The following HSD17B6 variants were observed in gnomAD, a reference collection of about 807,000 sequenced individuals.
The protein encoded by HSD17B6 is 17-beta-hydroxysteroid dehydrogenase type 6.
HSD17B6 carries 16 observed loss-of-function variants against 26.4 expected under a neutral mutation model. The ratio of observed to expected loss-of-function variants is 0.61; its 90% CI spans 0.41 to 0.92. HSD17B6 has a LOEUF of 0.92. Ranked by LOEUF, HSD17B6 falls within the 40% of genes least tolerant of loss-of-function variation. The pLI is 0.00. For missense variants in HSD17B6, 357 were observed against 386.1 expected (o/e 0.92, Z 0.63); for synonymous variants, 139 against 153.0 (o/e 0.91, Z 0.68).
chr12:56,767,335 ACT>A (rs927505558), intron 1 of HSD17B6, among the ~76,000 whole-genome samples: 1 of 151,142 alleles, frequency 6.6e-6, no homozygotes, highest in Non-Finnish European at 1.5e-5. Context: ...ACACGGTGAA[ACT>A]CTGTCTCCAC....
chr12:56,779,685 G>C (rs564215604), intron 2 of HSD17B6, among the ~76,000 whole-genome samples: 3 of 152,076 alleles, frequency 2.0e-5, no homozygotes, highest in Admixed American at 2.0e-4. Context: ...AAGGCCCTCA[G>C]AACACTCACA....
At chr12:56,783,616 C>T (rs1325865824) in intron 3 of HSD17B6, among the ~76,000 whole-genome samples, 10 of 118,758 alleles carry the variant, frequency 8.4e-5, no homozygotes, top group Admixed American at 3.2e-4. Flanking sequence ...CCCTCCCGGA[C>T]GGAGCGGCTG....
chr12:56,783,643 ACCCCCCCCACCTCCCTCTCGGACGGGACG>A (rs1162717170), intron 3 of HSD17B6, among the ~76,000 whole-genome samples: 10,853 of 115,360 alleles, frequency 0.094, 725 homozygotes, highest in African/African-American at 0.16. Context: ...TGGGGGGCTG[ACCCCCCCCACCTCCCTCTCGGACGGGACG>A]GCTGGCCGGG....
At chr12:56,778,885 C>T (rs1251041575) in intron 2 of HSD17B6, among the ~76,000 whole-genome samples, 5 of 151,848 alleles carry the variant, frequency 3.3e-5, no homozygotes, top group African/African-American at 1.2e-4. Flanking sequence ...CCGTGTTTGC[C>T]AGGATGCTCT....
intron 1 of HSD17B6, among the ~76,000 whole-genome samples, chr12:56,767,637 TTAA>T (rs1233146426): frequency 5.6e-5 from 8 of 143,308 alleles, no homozygotes; most frequent in South Asian, 2.1e-4. Flanking sequence ...ATATATTATA[TTAA>T]TATATTATAT....
At chr12:56,765,552 C>T (rs1019736680) in intron 1 of HSD17B6, among the ~76,000 whole-genome samples, 2 of 151,780 alleles carry the variant, frequency 1.3e-5, no homozygotes, top group African/African-American at 4.8e-5. Flanking sequence ...GGATAGAGTG[C>T]GGTAGTGCAA....
chr12:56,779,592 C>G lies in HSD17B6; in HGVS notation c.314-2382C>G, dbSNP rs530546822. Among the ~76,000 whole-genome samples, 5 of 152,042 alleles carry G rather than the reference C, an allele frequency of 3.3e-5. No individual in the cohort carries two copies. The South Asian group carries it at 1.0e-3, about 32-fold the overall frequency. On this transcript the variant is annotated intron_variant, in intron 2 of 4. Transcript: ENST00000322165. The stretch of plus-strand genomic sequence containing the variant: ...GAAAGTACTATAATATTCTCTATTT[C>G]TGTTTCCCTAGTAGAAATTTTAAGT...
At chr12:56,775,367 G>C (rs908448801) in intron 2 of HSD17B6, among the ~76,000 whole-genome samples, 1 of 152,114 alleles carries the variant, frequency 6.6e-6, no homozygotes, top group African/African-American at 2.4e-5. Context: ...AGAAGCGGTT[G>C]CCACCATGCC....
In HSD17B6 at chr12:56,784,559, C is replaced by T. The variant is rs184934060; in HGVS notation, c.573-294C>T. On this transcript the variant is annotated intron_variant, in intron 3 of 4. Coordinates refer to ENST00000322165, the MANE Select transcript of HSD17B6 (RefSeq NM_003725.4). ...AGGCATGGTGGTGCATGCCTGCAAT[C>T]GCAGGCACTTGGCAGGCTGAGGCAG... Among the ~76,000 whole-genome samples the T allele has an allele frequency of 4.7e-3, 708 of 152,230 alleles. 5 individuals are homozygous for T. Among genetic ancestry groups the T allele is most frequent in the Admixed American group, 7.2e-3 (110 of 15,300 alleles).
intron 1 of HSD17B6, among the ~76,000 whole-genome samples, chr12:56,767,377 C>T (rs899783343): frequency 2.7e-5 from 4 of 150,574 alleles, no homozygotes; most frequent in African/African-American, 9.8e-5. Context: ...ATTAGCCGGG[C>T]GTGGTGGCAG....
rs374559599 is a variant in HSD17B6, at chr12:56,763,380, A to G, written c.-54A>G. On this transcript the variant is annotated 5_prime_UTR_variant, in exon 1 of 5. Coordinates refer to ENST00000322165, the MANE Select transcript of HSD17B6 (RefSeq NM_003725.4). ...CCTGGTCTGCAAAGAAGTCCTTTCA[A>G]GTCTCTAGGACTGGACTCTTCCTAA... 6.6e-6 allele frequency: 1 copy of G among 151,496 alleles called. No homozygotes were observed. The highest frequency in any genetic ancestry group is 2.4e-5 in the African/African-American group (1 of 41,040). The allele number at this position is 151,496 out of a possible 1,614,324, so 9.4% of individuals were successfully genotyped here.
At position 56,782,031 on chromosome 12, in the gene HSD17B6, G is replaced by T. The variant is rs543955848; in HGVS notation, c.371G>T (p.Trp124Leu). 6.2e-7 allele frequency: 1 copy of T among 1,614,122 alleles called. No homozygotes were observed. Among genetic ancestry groups the T allele is most frequent in the East Asian group, 2.2e-5 (1 of 44,874 alleles). Reference protein sequence around the residue: ...GILTPITLCEWLNTEDSMNML... With the variant: ...GILTPITLCELLNTEDSMNML... ...CTTACACCAATTACCTTATGTGAGT[G>T]GCTGAACACTGAGGACTCTATGAAT... Residue 124 changes from tryptophan to leucine, a missense_variant, in exon 3 of 5, where the codon TGG becomes TTG. Coordinates refer to ENST00000322165, the MANE Select transcript of HSD17B6 (RefSeq NM_003725.4).
intron 3 of HSD17B6, among the ~76,000 whole-genome samples, chr12:56,783,807 C>T (rs1212552359): frequency 1.0e-4 from 15 of 146,974 alleles, no homozygotes; most frequent in Middle Eastern, 7.5e-3. Flanking sequence ...GGCGGCTGGC[C>T]GGGCGGGGGC....
chr12:56,783,425 C>T (rs1954778332), intron 3 of HSD17B6, among the ~76,000 whole-genome samples: 1 of 139,896 alleles, frequency 7.1e-6, no homozygotes, highest in Non-Finnish European at 1.6e-5. Flanking sequence ...CTCCTCACTT[C>T]CCAGTAGGGG....
intron 2 of HSD17B6, 71 bp from the exon 3 acceptor site, chr12:56,781,903 C>T: frequency 1.3e-6 from 2 of 1,503,560 alleles, no homozygotes; most frequent in African/African-American, 2.8e-5. Context: ...GTGATTCTTT[C>T]CCCACCAAAG....
At position 56,782,101 on chromosome 12, in the gene HSD17B6, C is replaced by T; in HGVS notation, c.441C>T (p.Ser147=). 2 of 1,614,188 alleles carry T rather than the reference C, an allele frequency of 1.2e-6. No individual in the cohort carries two copies. The highest frequency in any genetic ancestry group is 8.5e-7 in the Non-Finnish European group (1 of 1,180,052). Residue 147 remains serine (S), a synonymous_variant, in exon 3 of 5, where the codon AGC becomes AGT. Transcript: ENST00000322165. ...NLIGVIQVTL[S]MLPLVRRARG... is the part of the protein sequence containing the mutation. ...TTGGTGTGATCCAGGTGACCTTGAGCATGCTTCCTTTGGTGAGGAGAGCAC... is the reference window on the plus strand; with the variant it reads ...TTGGTGTGATCCAGGTGACCTTGAGTATGCTTCCTTTGGTGAGGAGAGCAC...
At chr12:56,764,218 A>G (rs1954274504) in intron 1 of HSD17B6, among the ~76,000 whole-genome samples, 1 of 152,136 alleles carries the variant, frequency 6.6e-6, no homozygotes, top group Admixed American at 6.6e-5. Flanking sequence ...CAGTTCAGGG[A>G]GCCATGTGCT....
chr12:56,769,103 G>GTTTT (rs35174136), intron 1 of HSD17B6, among the ~76,000 whole-genome samples: 2 of 130,026 alleles, frequency 1.5e-5, no homozygotes, highest in Non-Finnish European at 3.2e-5. Context: ...GCTTTTCAAG[G>GTTTT]TTTTTTTTTT....
At chr12:56,778,647 A>C (rs1954642902) in intron 2 of HSD17B6, among the ~76,000 whole-genome samples, 1 of 150,882 alleles carries the variant, frequency 6.6e-6, no homozygotes, top group East Asian at 2.0e-4. Context: ...CTTCAGTTAC[A>C]AAGACTTTTT....
Sources: allele counts gnomAD v4.1 joint callset (sites outside exome capture counted in the v4.1 genomes callset), GRCh38; gene constraint gnomAD v4.1.1; transcripts MANE v1.5; gene names NCBI Gene and HGNC (gene_info 2026-07-23, HGNC 2026-07-21).